The following JMJD1C variants were observed in gnomAD, a reference collection of about 807,000 sequenced individuals.
JMJD1C encodes the protein jumonji domain containing 1C.
A neutral mutation model predicts 245.3 loss-of-function variants in JMJD1C; 31 were observed. That is an observed-to-expected ratio of 0.13 (90% CI 0.09 to 0.17). JMJD1C has a LOEUF of 0.17. Among genes scored for constraint, JMJD1C ranks in the 10% least tolerant of loss-of-function variants. JMJD1C has a pLI of 1.00. For synonymous variants in JMJD1C, 1,057 were observed against 1,017.4 expected, an observed-to-expected ratio of 1.04 and a Z score of -0.74; for missense variants, 2,691 against 3,000.2, an observed-to-expected ratio of 0.90 and a Z score of 2.41.
At chr10:63,310,376 A>G (rs552942357) in intron 2 of JMJD1C, among the ~76,000 whole-genome samples, 1 of 152,332 alleles carries the variant, frequency 6.6e-6, no homozygotes, top group East Asian at 1.9e-4. Flanking sequence ...CCAGATAGCA[A>G]GACTTATAAA....
rs139921847 is a variant in JMJD1C at position 63,192,455 on chromosome 10, C to T, written c.6076+483G>A. On this transcript the variant is annotated intron_variant, in intron 16 of 25. Transcript: ENST00000399262. Reference sequence around the variant, plus strand: ...TGGTGATGCATGCCTTTAGTCCCATCTACTTGGGAGGCTGAGGCAGGACAA... The same window carrying T: ...TGGTGATGCATGCCTTTAGTCCCATTTACTTGGGAGGCTGAGGCAGGACAA... Among the ~76,000 whole-genome samples, 5 of 152,196 alleles carry T rather than the reference C, an allele frequency of 3.3e-5. No individual in the cohort carries two copies. The East Asian group carries it at 7.7e-4, about 24-fold the overall frequency.
In JMJD1C at chr10:63,481,430, A is replaced by AT. The variant is rs936701042; in HGVS notation, n.113+40307dup. Among the ~76,000 whole-genome samples, 806 of 148,026 alleles carry AT rather than the reference A, an allele frequency of 5.4e-3. 3 individuals are homozygous for AT. Among genetic ancestry groups the AT allele is most frequent in the African/African-American group, 0.013 (513 of 40,546 alleles). ...ACACATTTCCTTTTATGAAAAACTG[A>AT]TTTTTTTTTTTGCTTTTTTTTCCTT... is the stretch of plus-strand genomic sequence containing the variant. On this transcript the variant is annotated intron_variant and non_coding_transcript_variant, in intron 1 of 3. Coordinates refer to the JMJD1C transcript ENST00000633035.
At position 63,208,309 on chromosome 10, in the gene JMJD1C, A is replaced by G; in HGVS notation, c.3360T>C (p.Asp1120=). The G allele has an allele frequency of 6.2e-7, 1 of 1,614,128 alleles. No individual in the cohort carries two copies. Among genetic ancestry groups the G allele is most frequent in the East Asian group, 2.2e-5 (1 of 44,878 alleles). Residue 1120 remains aspartate, a synonymous_variant, in exon 10 of 26, where the codon GAT becomes GAC. Transcript: ENST00000399262. ...CCGCTGCAAGGGCATTACTCTGTTT[A>G]TCACCGTAAATATTTGAAACTTCTT... ...PSKEVSNIYG[D]KQSNALAAAA... is the part of the protein sequence containing the mutation.
intron 2 of JMJD1C, among the ~76,000 whole-genome samples, chr10:63,273,685 T>C (rs1432837943): frequency 1.3e-5 from 2 of 152,160 alleles, no homozygotes; most frequent in Non-Finnish European, 2.9e-5. Flanking sequence ...AAAGGCCTTT[T>C]TTGGCTGCTA....
chr10:63,406,916 T>C (rs1949204936), intron 1 of JMJD1C, among the ~76,000 whole-genome samples: 1 of 152,104 alleles, frequency 6.6e-6, no homozygotes. Context: ...ATGATGAGGA[T>C]TGTAAGGTTT....
At chr10:63,246,018 G>C (rs1012461381) in intron 3 of JMJD1C, among the ~76,000 whole-genome samples, 1 of 152,004 alleles carries the variant, frequency 6.6e-6, no homozygotes, top group Non-Finnish European at 1.5e-5. Context: ...GGCTATTTAA[G>C]AATCCTGTCA....
intron 1 of JMJD1C, among the ~76,000 whole-genome samples, chr10:63,504,271 A>T (rs776014360): frequency 2.0e-5 from 3 of 152,220 alleles, no homozygotes. Context: ...CAGAGCTCAC[A>T]TTCTAATTGG....
chr10:63,440,365 T>TATATATATATAG (rs749850334), intron 1 of JMJD1C, among the ~76,000 whole-genome samples: 2 of 138,250 alleles, frequency 1.4e-5, no homozygotes, highest in Admixed American at 7.2e-5. Context: ...TATATATATA[T>TATATATATATAG]AGAGAGAGAG....
intron 1 of JMJD1C, among the ~76,000 whole-genome samples, chr10:63,410,192 C>T (rs189013827): frequency 6.6e-6 from 1 of 152,042 alleles, no homozygotes; most frequent in Non-Finnish European, 1.5e-5. Flanking sequence ...TAAATGACCC[C>T]ACAATACATA....
At chr10:63,308,712 C>G (rs1323966068) in intron 2 of JMJD1C, among the ~76,000 whole-genome samples, 7 of 121,544 alleles carry the variant, frequency 5.8e-5, no homozygotes, top group Admixed American at 5.7e-4. Flanking sequence ...AACTAGAAAG[C>G]CAAAAAATAA....
chr10:63,431,489 C>T (rs1950742898), intron 1 of JMJD1C, among the ~76,000 whole-genome samples: 1 of 152,210 alleles, frequency 6.6e-6, no homozygotes, highest in South Asian at 2.1e-4. Context: ...TATCCATCTA[C>T]TCCTGCTTTC....
At chr10:63,374,455 ATGAG>A (rs752344725) in intron 2 of JMJD1C, among the ~76,000 whole-genome samples, 1 of 152,190 alleles carries the variant, frequency 6.6e-6, no homozygotes, top group Non-Finnish European at 1.5e-5. Flanking sequence ...CAAGGGTGTG[ATGAG>A]TGAGATAAAA....
Position 63,208,698 on chromosome 10 carries a change from G to A in JMJD1C, c.2971C>T (p.His991Tyr), listed in dbSNP as rs750652301. 7.4e-6 allele frequency: 12 copies of A among 1,613,922 alleles called. 1 individual carries two copies. In the African/African-American group the frequency reaches 1.1e-4, roughly 14 times the overall value. ...LNRSQTGKDC[H>Y]LHRHFVDPVL... ...GGATCCACAAAATGCCTATGTAAGT[G>A]ACAATCTTTTCCAGTCTGTGACCTA... The change falls in exon 10 of 26, where the codon CAC (histidine) becomes TAC (tyrosine). Residue 991 changes from histidine to tyrosine, a missense_variant. His to Tyr is a moderately conservative substitution (Grantham distance 83). Around this residue, in one of 9 missense-constraint regions of JMJD1C, gnomAD observed 1,562 missense variants for 1,490.7 expected, o/e 1.05. Transcript: ENST00000399262.
intron 1 of JMJD1C, among the ~76,000 whole-genome samples, chr10:63,500,106 G>T (rs779934427): frequency 3.3e-5 from 5 of 152,282 alleles, no homozygotes; most frequent in Non-Finnish European, 5.9e-5. Context: ...GTGTTATTTA[G>T]AACAGTCCAT....
chr10:63,291,342 C>A (rs1477840345), intron 2 of JMJD1C, among the ~76,000 whole-genome samples: 2 of 133,570 alleles, frequency 1.5e-5, no homozygotes, highest in Non-Finnish European at 3.1e-5. Flanking sequence ...AAGGGCTGGG[C>A]GAGGTGGCTC....
chr10:63,248,650 G>A (rs933842711), intron 3 of JMJD1C, among the ~76,000 whole-genome samples: 2 of 152,070 alleles, frequency 1.3e-5, no homozygotes, highest in East Asian at 1.9e-4. Context: ...AATTAGTAGC[G>A]TTATTGTGAA....
intron 11 of JMJD1C, among the ~76,000 whole-genome samples, chr10:63,199,936 T>A (rs1021328614): frequency 2.6e-5 from 4 of 152,170 alleles, no homozygotes; most frequent in African/African-American, 9.7e-5. Context: ...AAACCTCTCT[T>A]AGGTAGGTAC....
At chr10:63,196,585 T>C (rs1034479929) in intron 13 of JMJD1C, among the ~76,000 whole-genome samples, 2 of 152,202 alleles carry the variant, frequency 1.3e-5, no homozygotes, top group African/African-American at 4.8e-5. Flanking sequence ...TTCATCTACC[T>C]GATACACTAC....
intron 2 of JMJD1C, among the ~76,000 whole-genome samples, chr10:63,371,515 T>A (rs1946318627): frequency 1.3e-5 from 2 of 152,222 alleles, no homozygotes; most frequent in Non-Finnish European, 1.5e-5. Flanking sequence ...ATTAAACCTT[T>A]CATTTTTTTA....
Sources: allele counts gnomAD v4.1 joint callset (sites outside exome capture counted in the v4.1 genomes callset), GRCh38; gene constraint gnomAD v4.1.1; regional missense constraint gnomAD v4.1.1; transcripts MANE v1.5; gene names NCBI Gene and HGNC (gene_info 2026-07-23, HGNC 2026-07-21).